Variants in FOXN4 observed in about 807,000 individuals in gnomAD.
FOXN4 encodes forkhead box protein N4.
A neutral mutation model predicts 45.0 loss-of-function variants in FOXN4; 12 were observed. That is an observed-to-expected ratio of 0.27 (90% CI 0.17 to 0.43). The LOEUF (loss-of-function observed/expected upper bound fraction) is 0.43, where lower values mean the gene tolerates loss of function less well. Ranked by LOEUF, FOXN4 falls within the 20% of genes least tolerant of loss-of-function variation. FOXN4 has a pLI of 1.00. For missense variants in FOXN4, 560 were observed against 694.9 expected (o/e 0.81, Z 2.18); for synonymous variants, 297 against 295.0 (o/e 1.01, Z -0.07).
At chr12:109,295,513 T>G (rs1348285579) in intron 2 of FOXN4, among the ~76,000 whole-genome samples, 1 of 152,118 alleles carries the variant, frequency 6.6e-6, no homozygotes, top group African/African-American at 2.4e-5. Flanking sequence ...TGGCCGGGTG[T>G]GGTGGCTCAT....
chr12:109,282,727 T>A (rs769807305), intron 8 of FOXN4, among the ~76,000 whole-genome samples: 5 of 152,196 alleles, frequency 3.3e-5, no homozygotes, highest in Non-Finnish European at 5.9e-5. Context: ...TAAAGACAAA[T>A]TACTCTCATA....
At chr12:109,282,580 C>T (rs1000700778) in intron 8 of FOXN4, among the ~76,000 whole-genome samples, 6 of 152,142 alleles carry the variant, frequency 3.9e-5, no homozygotes, top group Non-Finnish European at 7.3e-5. Context: ...GGAGGTAAGG[C>T]CGCGATTACA....
At chr12:109,283,942 CCTT>C (rs1369691434) in intron 8 of FOXN4, among the ~76,000 whole-genome samples, 1 of 152,226 alleles carries the variant, frequency 6.6e-6, no homozygotes, top group African/African-American at 2.4e-5. Flanking sequence ...TGTTCACAAA[CCTT>C]CTGCTCAAAT....
rs1471547930 is a variant in FOXN4, at chr12:109,287,856, CG to C, written c.455del (p.Pro152ArgfsTer50). On this transcript the variant is annotated frameshift_variant, in exon 5 of 10. Transcript: ENST00000299162. LOFTEE classifies it high-confidence loss of function. This position sits in a 1 kb window ranked among gnomAD's most constrained non-coding sequence, Gnocchi z 4.1. ...PATQPQFPLP[P>X]GAQQCPPVGL... is the part of the protein sequence containing the mutation. ...GAGCCCTTGGTACCTGCTGGGCACC[CG>C]GGGGGAGCGGGAACTGTGGTTGGGT... is the stretch of plus-strand genomic sequence containing the variant. The C allele has an allele frequency of 6.5e-7, 1 of 1,549,444 alleles. No homozygotes were observed.
At chr12:109,285,925 G>A (rs866592780) in intron 7 of FOXN4, among the ~76,000 whole-genome samples, 1 of 151,052 alleles carries the variant, frequency 6.6e-6, no homozygotes, top group Non-Finnish European at 1.5e-5. Context: ...GAGTACAGTG[G>A]TATGATCACG....
At chr12:109,308,375 CA>C in intron 1 of FOXN4, 51 bp from the exon 2 acceptor site, 1 of 1,332,414 alleles carries the variant, frequency 7.5e-7, no homozygotes, top group Non-Finnish European at 1.0e-6. Flanking sequence ...ACGATATGGA[CA>C]GGGCAGAAAC....
chr12:109,294,594 G>A (rs2047799460), intron 2 of FOXN4, among the ~76,000 whole-genome samples: 1 of 152,206 alleles, frequency 6.6e-6, no homozygotes, highest in Admixed American at 6.5e-5. Context: ...CTGGACACCT[G>A]CAGTGGCTGT....
At chr12:109,286,960 A>C (rs1279469773) in intron 6 of FOXN4, 4 of 1,242,694 alleles carry the variant, frequency 3.2e-6, no homozygotes, top group African/African-American at 1.5e-5. Context: ...AACAATTGGT[A>C]CTGACTTGAG....
rs536549094 is a variant in FOXN4, at chr12:109,291,977, G to A, written c.87-1691C>T. Among the ~76,000 whole-genome samples, 3 of 152,116 alleles carry A rather than the reference G, an allele frequency of 2.0e-5. No homozygotes were observed. Among genetic ancestry groups the A allele is most frequent in the East Asian group, 1.9e-4 (1 of 5,178 alleles). ...CGGCTGCCACCCCTCCGGCCTGCTC[G>A]TAACTCATCTGGCCAAGTGACAGCC... On this transcript the variant is annotated intron_variant, in intron 2 of 9. Transcript: ENST00000299162. This position sits in a 1 kb window ranked among gnomAD's most constrained non-coding sequence, Gnocchi z 6.6.
rs1360287054 is a variant in FOXN4 at position 109,308,449 on chromosome 12, C to A, written c.-3-125G>T. 5.0e-6 allele frequency: 3 copies of A among 600,028 alleles called. No homozygotes were observed. In the Admixed American group the frequency reaches 1.0e-4, roughly 21 times the overall value. The allele number at this position is 600,028 out of a possible 1,614,324, so 37.2% of individuals were successfully genotyped here. A position where few individuals can be genotyped will look rare whatever the true frequency, so the allele number is the denominator to read the frequency against. On this transcript the variant is annotated intron_variant, in intron 1 of 9. Coordinates refer to ENST00000299162, the MANE Select transcript of FOXN4 (RefSeq NM_213596.3). ...TCAACTCACAGAACACTTTTTTTTT[C>A]TTTAAAGAAAAAAGTTCTAGAGGAT...
chr12:109,283,173 TA>T (rs1426987204), intron 8 of FOXN4, among the ~76,000 whole-genome samples: 1 of 75,058 alleles, frequency 1.3e-5, no homozygotes, highest in East Asian at 4.8e-4. Context: ...TCAAATCCAT[TA>T]ATTTTTTTTT....
chr12:109,279,354 T>C lies in FOXN4; in HGVS notation c.*317A>G. On this transcript the variant is annotated 3_prime_UTR_variant, in exon 10 of 10. Transcript: ENST00000299162. ...AGGATCCAGGATGGAGAAGTCTCAC[T>C]CAACACGGGCAGGCATTGCGGCTCA... 1 of 413,970 alleles carries C rather than the reference T, an allele frequency of 2.4e-6. No homozygotes were observed. Among genetic ancestry groups the C allele is most frequent in the Non-Finnish European group, 4.5e-6 (1 of 222,584 alleles). 25.6% of individuals were successfully genotyped at this position (413,970 alleles called of 1,614,324 possible). A position where few individuals can be genotyped will look rare whatever the true frequency, so the allele number is the denominator to read the frequency against.
chr12:109,299,887 T>C (rs2047854136), intron 2 of FOXN4, among the ~76,000 whole-genome samples: 1 of 152,062 alleles, frequency 6.6e-6, no homozygotes, highest in Non-Finnish European at 1.5e-5. Context: ...CAGCCCCGGG[T>C]CCCCCTTTGC....
At chr12:109,304,234 A>AGAAAGAAAGAAG (rs2047894264) in intron 2 of FOXN4, among the ~76,000 whole-genome samples, 2 of 57,358 alleles carry the variant, frequency 3.5e-5, no homozygotes, top group East Asian at 3.9e-4. Context: ...AAAGAAAGAA[A>AGAAAGAAAGAAG]GAAAGAAAGA....
chr12:109,287,889 T>C lies in FOXN4; in HGVS notation c.423A>G (p.Ser141=), dbSNP rs1380348839. 1.3e-6 allele frequency: 2 copies of C among 1,550,426 alleles called. No homozygotes were observed. Among genetic ancestry groups the C allele is most frequent in the East Asian group, 4.9e-5 (2 of 40,834 alleles). Residue 141 remains serine, a synonymous_variant, in exon 5 of 10, where the codon TCA becomes TCG. Coordinates refer to ENST00000299162, the MANE Select transcript of FOXN4 (RefSeq NM_213596.3). This position sits in a 1 kb window ranked among gnomAD's most constrained non-coding sequence, Gnocchi z 4.1. Reference sequence around the variant, plus strand: ...GCGGGAACTGTGGTTGGGTGGCAGGTGAGTACAGATGCGGCGGGTCCTGCA... The same window carrying C: ...GCGGGAACTGTGGTTGGGTGGCAGGCGAGTACAGATGCGGCGGGTCCTGCA... The part of the protein sequence containing the change: ...SGLQDPPHLY[S]PATQPQFPLP...
chr12:109,281,885 C>T, intron 8 of FOXN4, 86 bp from the exon 9 acceptor site: 1 of 1,443,280 alleles, frequency 6.9e-7, no homozygotes, highest in Non-Finnish European at 9.1e-7. Flanking sequence ...TCCAGTGTCA[C>T]CACCTGTGTG....
In FOXN4 at chr12:109,281,776, C is replaced by A; in HGVS notation, c.925G>T (p.Asp309Tyr). Residue 309 changes from aspartate to tyrosine, a missense_variant, in exon 9 of 10, where the codon GAC (aspartate) becomes TAC (tyrosine). Asp to Tyr is a radical substitution (Grantham distance 160, BLOSUM62 -3). Coordinates refer to ENST00000299162, the MANE Select transcript of FOXN4 (RefSeq NM_213596.3). ...GGGCGCCGGCAGCTTTCAGGCCGGT[C>A]GGAGATCAGCTTGTCCAACTCCTCT... ...NPEELDKLIS[D>Y]RPESCRRPGK... 1 of 1,589,198 alleles carries A rather than the reference C, an allele frequency of 6.3e-7. No homozygotes were observed. The highest frequency in any genetic ancestry group is 1.1e-5 in the South Asian group (1 of 88,442).
chr12:109,287,151 G>A lies in FOXN4; in HGVS notation c.596+246C>T, dbSNP rs2047720275. 6.6e-6 allele frequency among the ~76,000 whole-genome samples: 1 copy of A among 152,108 alleles called. No individual in the cohort carries two copies. Among genetic ancestry groups the A allele is most frequent in the Non-Finnish European group, 1.5e-5 (1 of 68,026 alleles). On this transcript the variant is annotated intron_variant, in intron 6 of 9. Coordinates refer to ENST00000299162, the MANE Select transcript of FOXN4 (RefSeq NM_213596.3). The surrounding 1 kb of genome is among the most constrained non-coding windows in gnomAD (Gnocchi z 4.1). Reference sequence around the variant, plus strand: ...AGAGAGGTCATCCCACTTCCCCAAGGCCACGTGGCTTATGAATGAAGTGAA... The same window carrying A: ...AGAGAGGTCATCCCACTTCCCCAAGACCACGTGGCTTATGAATGAAGTGAA...
At position 109,281,425 on chromosome 12, in the gene FOXN4, T is replaced by C. The variant is rs200530470; in HGVS notation, c.1276A>G (p.Met426Val). The change falls in exon 9 of 10, where the codon ATG (methionine) becomes GTG (valine). Residue 426 changes from methionine to valine, a missense_variant. By Grantham distance (21) the Met-to-Val change is conservative. Coordinates refer to ENST00000299162, the MANE Select transcript of FOXN4 (RefSeq NM_213596.3). ...TEVDALDPSI[M>V]DFALQGNLWE... ...GCCTCACCCTGCAGAGCGAAGTCCA[T>C]GATGCTCGGGTCGAGGGCATCCACC... 1.2e-6 allele frequency: 2 copies of C among 1,613,998 alleles called. No individual in the cohort carries two copies. The highest frequency in any genetic ancestry group is 2.7e-5 in the African/African-American group (2 of 75,054).
Sources: gnomAD v4.1 joint callset for allele counts (sites outside exome capture counted in the v4.1 genomes callset) on GRCh38, gnomAD v4.1.1 for gene constraint, Gnocchi (gnomAD v3.1) non-coding constraint, MANE v1.5 for transcripts, NCBI Gene and HGNC (gene_info 2026-07-23, HGNC 2026-07-21) for gene names.